PPP4R3A: variants seen among roughly 807,000 people sequenced by gnomAD.
PPP4R3A encodes the protein serine/threonine-protein phosphatase 4 regulatory subunit 3A.
Under a neutral mutation model 91.7 loss-of-function variants are expected in PPP4R3A, and 15 were observed. The observed-to-expected ratio is 0.16, with a 90% CI of 0.11 to 0.25. The LOEUF (loss-of-function observed/expected upper bound fraction) is 0.25, where lower values mean the gene tolerates loss of function less well. Ranked by LOEUF, PPP4R3A falls within the 10% of genes least tolerant of loss-of-function variation. PPP4R3A has a pLI of 1.00. For missense variants in PPP4R3A, 623 were observed against 998.4 expected, an observed-to-expected ratio of 0.62 and a Z score of 5.07; for synonymous variants, 377 against 348.7, an observed-to-expected ratio of 1.08 and a Z score of -0.91.
At chr14:91,493,290 C>T (rs1890338403) in intron 1 of PPP4R3A, among the ~76,000 whole-genome samples, 1 of 147,072 alleles carries the variant, frequency 6.8e-6, no homozygotes, top group African/African-American at 2.6e-5. Flanking sequence ...GCAATCCAGC[C>T]TGGTCAACAG....
chr14:91,460,122 C>G (rs953616870), intron 14 of PPP4R3A, among the ~76,000 whole-genome samples: 4 of 152,118 alleles, frequency 2.6e-5, no homozygotes, highest in Non-Finnish European at 4.4e-5. Context: ...CACCATTCGC[C>G]TGCCTCAGCC....
intron 1 of PPP4R3A, among the ~76,000 whole-genome samples, chr14:91,503,563 G>A (rs1017535561): frequency 6.6e-6 from 1 of 152,190 alleles, no homozygotes; most frequent in Non-Finnish European, 1.5e-5. Flanking sequence ...ATGGTGAAAA[G>A]TAGTACAAAG....
Position 91,458,116 on chromosome 14 carries a change from A to G in PPP4R3A, c.*643T>C, listed in dbSNP as rs1242898147. The G allele has an allele frequency of 2.0e-5, 3 of 152,938 alleles. No individual in the cohort carries two copies. The highest frequency in any genetic ancestry group is 2.9e-5 in the Non-Finnish European group (2 of 68,420). 9.5% of individuals were successfully genotyped at this position (152,938 alleles called of 1,614,324 possible). A position where few individuals can be genotyped will look rare whatever the true frequency, so the allele number is the denominator to read the frequency against. Reference sequence around the variant, plus strand: ...ATCAAAAACAAAATAAAACAAAAAAATTATGACACAAATGACCACATCTAG... The same window carrying G: ...ATCAAAAACAAAATAAAACAAAAAAGTTATGACACAAATGACCACATCTAG... On this transcript the variant is annotated 3_prime_UTR_variant, in exon 15 of 15. Coordinates refer to ENST00000554943, the MANE Select transcript of PPP4R3A (RefSeq NM_001366432.2).
chr14:91,504,279 G>A (rs1041059023), intron 1 of PPP4R3A, among the ~76,000 whole-genome samples: 2 of 149,286 alleles, frequency 1.3e-5, no homozygotes, highest in Admixed American at 6.7e-5. Context: ...AGTGAGCTAT[G>A]ATCCTGCCAC....
At chr14:91,465,130 C>CT (rs34464175) in intron 11 of PPP4R3A, 120 bp downstream of exon 11, 6,282 of 618,514 alleles carry the variant, frequency 0.01, no homozygotes, top group South Asian at 0.015. Flanking sequence ...GCTTTTAGTA[C>CT]TTTTTTTTTT....
chr14:91,488,907 CTT>C (rs10691130), intron 2 of PPP4R3A, among the ~76,000 whole-genome samples: 4 of 122,822 alleles, frequency 3.3e-5, no homozygotes, highest in Non-Finnish European at 1.6e-5. Context: ...ATAGATACCA[CTT>C]TTTTTTTTTT....
chr14:91,507,401 TA>T (rs1223882371), intron 1 of PPP4R3A, among the ~76,000 whole-genome samples: 2 of 79,392 alleles, frequency 2.5e-5, no homozygotes, highest in Non-Finnish European at 5.3e-5. Context: ...ATATGTACTA[TA>T]ATTATATATA....
At position 91,482,002 on chromosome 14, in the gene PPP4R3A, T is replaced by G. The variant is rs758041314; in HGVS notation, c.489A>C (p.Ala163=). ...SPLRREKLAL[A]LENEGYIKKL... is the part of the protein sequence containing the mutation. ...TTTTAATATAACCCTCATTTTCTAG[T>G]GCCAGTGCAAGTTTTTCACGACGAA... Residue 163 remains alanine (A), a synonymous_variant, in exon 4 of 15, where the codon GCA becomes GCC. Transcript: ENST00000554943. 9.3e-6 allele frequency: 15 copies of G among 1,613,958 alleles called. No individual in the cohort carries two copies. In the East Asian group the frequency reaches 3.3e-4, roughly 36 times the overall value.
chr14:91,507,313 C>T (rs1304073366), intron 1 of PPP4R3A, among the ~76,000 whole-genome samples: 1 of 144,756 alleles, frequency 6.9e-6, no homozygotes, highest in Non-Finnish European at 1.5e-5. Flanking sequence ...AAGAGCAAAA[C>T]CCAATCTCAA....
rs1258071016 is a variant in PPP4R3A at position 91,505,227 on chromosome 14, C to T, written c.142+4279G>A. 2.0e-5 allele frequency among the ~76,000 whole-genome samples: 3 copies of T among 151,892 alleles called. No individual in the cohort carries two copies. The East Asian group carries it at 5.8e-4, about 29-fold the overall frequency. On this transcript the variant is annotated intron_variant, in intron 1 of 14. Coordinates refer to ENST00000554943, the MANE Select transcript of PPP4R3A (RefSeq NM_001366432.2). ...CAGCACTTTGGGAGGCTGAGGAGGG[C>T]GGATCACCTGATGTCAGCAGTTCAA...
Position 91,485,662 on chromosome 14 carries a change from T to A in PPP4R3A, c.267A>T (p.Gly89=). 1 of 1,607,070 alleles carries A rather than the reference T, an allele frequency of 6.2e-7. No homozygotes were observed. Among genetic ancestry groups the A allele is most frequent in the Non-Finnish European group, 8.5e-7 (1 of 1,179,710 alleles). ...DLALSFQEKA[G]CDEIWEKICQ... is the part of the protein sequence containing the mutation. ...ATATTTTCTCCCAAATTTCATCACA[T>A]CCAGCTTTTTCTTGAAAGCTAAGGG... The change falls in exon 3 of 15, where the codon GGA becomes GGT. Residue 89 remains glycine, a synonymous_variant. Transcript: ENST00000554943.
chr14:91,488,393 G>C (rs1890027993), intron 2 of PPP4R3A, among the ~76,000 whole-genome samples: 1 of 152,046 alleles, frequency 6.6e-6, no homozygotes, highest in Non-Finnish European at 1.5e-5. Flanking sequence ...CAGAATTTTG[G>C]AAAACACCTC....
chr14:91,490,824 T>C (rs200408316), intron 1 of PPP4R3A, 22 bp from the exon 2 acceptor site: 2 of 1,575,950 alleles, frequency 1.3e-6, no homozygotes, highest in South Asian at 2.3e-5. Context: ...AAAAAGACAT[T>C]CCATTATGTT....
intron 1 of PPP4R3A, among the ~76,000 whole-genome samples, chr14:91,494,743 T>C (rs1054171902): frequency 2.0e-5 from 3 of 152,004 alleles, no homozygotes; most frequent in Non-Finnish European, 4.4e-5. Flanking sequence ...GTGCATGTCT[T>C]TAAACCCAGC....
intron 7 of PPP4R3A, among the ~76,000 whole-genome samples, chr14:91,474,048 C>T (rs776448510): frequency 6.6e-6 from 1 of 152,156 alleles, no homozygotes; most frequent in Non-Finnish European, 1.5e-5. Context: ...GGATTACAGG[C>T]GTGAGCCACC....
intron 3 of PPP4R3A, among the ~76,000 whole-genome samples, chr14:91,483,748 G>A (rs1023448627): frequency 6.6e-6 from 1 of 152,166 alleles, no homozygotes; most frequent in African/African-American, 2.4e-5. Context: ...ACTGAGAAAT[G>A]ACACCTTGAA....
Position 91,509,495 on chromosome 14 carries a change from G to A in PPP4R3A, c.142+11C>T. ...GGCTGCGAGGGTCCCGCCGCGCGGG[G>A]CTTCACTTACCGTCGCTCTCAGCCC... On this transcript the variant is annotated intron_variant, in intron 1 of 14. Coordinates refer to ENST00000554943, the MANE Select transcript of PPP4R3A (RefSeq NM_001366432.2). The A allele has an allele frequency of 6.3e-7, 1 of 1,580,592 alleles. No homozygotes were observed. The highest frequency in any genetic ancestry group is 8.6e-7 in the Non-Finnish European group (1 of 1,169,504).
chr14:91,501,735 C>T lies in PPP4R3A; in HGVS notation c.142+7771G>A, dbSNP rs143501361. ...TTTTTTTTTTTTTGAGACGGAATCT[C>T]GCTCTGTCACCCAGGCTGAAGTGCA... On this transcript the variant is annotated intron_variant, in intron 1 of 14. Transcript: ENST00000554943. Among the ~76,000 whole-genome samples the T allele has an allele frequency of 4.8e-3, 706 of 147,876 alleles. 7 individuals carry two copies. The highest frequency in any genetic ancestry group is 0.017 in the African/African-American group (671 of 40,068).
At chr14:91,486,710 G>C (rs1889902938) in intron 2 of PPP4R3A, among the ~76,000 whole-genome samples, 1 of 151,300 alleles carries the variant, frequency 6.6e-6, no homozygotes, top group African/African-American at 2.4e-5. Flanking sequence ...TCAGGAGTTT[G>C]AGGTCAGCCT....
Sources: gnomAD v4.1 joint callset for allele counts (sites outside exome capture counted in the v4.1 genomes callset) on GRCh38, gnomAD v4.1.1 for gene constraint, MANE v1.5 for transcripts, NCBI Gene and HGNC (gene_info 2026-07-23, HGNC 2026-07-21) for gene names.